The following GKN1 variants were observed in gnomAD, a reference collection of about 807,000 sequenced individuals.
The protein encoded by GKN1 is gastrokine 1, also known as gastrokine-1.
A neutral mutation model predicts 19.7 loss-of-function variants in GKN1; 17 were observed. That is an observed-to-expected ratio of 0.86 (90% CI 0.59 to 1.29). The LOEUF (loss-of-function observed/expected upper bound fraction) is 1.29, where lower values mean the gene tolerates loss of function less well. Among genes scored for constraint, GKN1 ranks in the 50% most tolerant of loss-of-function variants. The pLI, the probability that GKN1 is intolerant of heterozygous loss-of-function variation, is 0.00. For synonymous variants in GKN1, 96 were observed against 78.3 expected (o/e 1.23, Z -1.20); for missense variants, 218 against 224.5 (o/e 0.97, Z 0.19).
At chr2:68,980,462 A>G (rs1221031169) in intron 5 of GKN1, among the ~76,000 whole-genome samples, 1 of 152,236 alleles carries the variant, frequency 6.6e-6, no homozygotes, top group Non-Finnish European at 1.5e-5. Flanking sequence ...AAGAATGCTA[A>G]TAGAATCTAT....
chr2:68,980,779 T>C lies in GKN1; in HGVS notation c.514T>C (p.Trp172Arg). Residue 172 changes from tryptophan to arginine, a missense_variant, in exon 6 of 6, where the codon TGG (tryptophan) becomes CGG (arginine). Coordinates refer to ENST00000377938, the MANE Select transcript of GKN1 (RefSeq NM_019617.4). The stretch of plus-strand genomic sequence containing the variant: ...AACGTGCTACACGACCAGTGTACTA[T>C]GGATTGTGGACATTTCCTTCTGTGG... ...SGTCYTTSVL[W>R]IVDISFCGDT... 1.3e-6 allele frequency: 2 copies of C among 1,598,256 alleles called. No homozygotes were observed. The highest frequency in any genetic ancestry group is 1.7e-6 in the Non-Finnish European group (2 of 1,165,556).
chr2:68,980,476 C>T (rs1408902645), intron 5 of GKN1, among the ~76,000 whole-genome samples: 2 of 152,192 alleles, frequency 1.3e-5, no homozygotes, highest in Non-Finnish European at 2.9e-5. Flanking sequence ...AATCTATTAA[C>T]TTTCTATAGC....
chr2:68,979,617 C>T (rs762587564), intron 4 of GKN1, among the ~76,000 whole-genome samples: 21 of 152,162 alleles, frequency 1.4e-4, no homozygotes, highest in Non-Finnish European at 2.6e-4. Context: ...ATTACATAGT[C>T]TAATCCAAGG....
intron 1 of GKN1, among the ~76,000 whole-genome samples, chr2:68,976,747 T>C (rs1014693888): frequency 2.6e-5 from 4 of 152,188 alleles, no homozygotes; most frequent in African/African-American, 9.6e-5. Context: ...TCATTAACTA[T>C]AGCTGAGTTT....
At position 68,977,711 on chromosome 2, in the gene GKN1, T is replaced by G. The variant is rs760425589; in HGVS notation, c.141T>G (p.Asn47Lys). 54 of 1,608,604 alleles carry G rather than the reference T, an allele frequency of 3.4e-5. No individual in the cohort carries two copies. The highest frequency in any genetic ancestry group is 4.2e-5 in the Non-Finnish European group (49 of 1,175,070). Reference sequence around the variant, plus strand: ...CAGTGAGTGTCAACAATGAACACAATGTGGCCAATGTTGACAATAACAACG... The same window carrying G: ...CAGTGAGTGTCAACAATGAACACAAGGTGGCCAATGTTGACAATAACAACG... ...QQSVSVNNEH[N>K]VANVDNNNGW... is the part of the protein sequence containing the mutation. Residue 47 changes from asparagine (N) to lysine (K), a missense_variant, in exon 3 of 6, where the codon AAT (asparagine) becomes AAG (lysine). Coordinates refer to ENST00000377938, the MANE Select transcript of GKN1 (RefSeq NM_019617.4).
intron 4 of GKN1, among the ~76,000 whole-genome samples, chr2:68,979,182 G>T (rs531203313): frequency 9.2e-5 from 14 of 152,166 alleles, no homozygotes; most frequent in Admixed American, 9.2e-4. Flanking sequence ...CTCTACAACC[G>T]CTGAGCAAAG....
At chr2:68,978,282 A>C (rs759140908) in intron 3 of GKN1, among the ~76,000 whole-genome samples, 5 of 139,994 alleles carry the variant, frequency 3.6e-5, no homozygotes, top group Admixed American at 7.0e-5. Context: ...GAAAGAAAGA[A>C]AGAAAGAAAG....
intron 1 of GKN1, among the ~76,000 whole-genome samples, chr2:68,976,342 C>T (rs777577296): frequency 6.6e-6 from 1 of 151,866 alleles, no homozygotes; most frequent in African/African-American, 2.4e-5. Context: ...AGATAGTTTG[C>T]TTTATTTTAA....
chr2:68,980,142 C>CG, intron 5 of GKN1, 82 bp downstream of exon 5: 1 of 1,216,564 alleles, frequency 8.2e-7, no homozygotes, highest in Non-Finnish European at 1.2e-6. Flanking sequence ...ATAGTGGGCA[C>CG]CAGTGATGCA....
Position 68,975,470 on chromosome 2 carries a change from AG to A in GKN1, c.12+782del, listed in dbSNP as rs1361034077. On this transcript the variant is annotated intron_variant, in intron 1 of 5. Coordinates refer to ENST00000377938, the MANE Select transcript of GKN1 (RefSeq NM_019617.4). ...GAGGTGGACCGAGAAACCCTGCCAA[AG>A]TAACTAGTAGTGCCGGGTTTCTCAC... is the stretch of plus-strand genomic sequence containing the variant. Among the ~76,000 whole-genome samples the A allele has an allele frequency of 9.8e-5, 15 of 152,296 alleles. No homozygotes were observed. The East Asian group carries it at 1.5e-3, about 16-fold the overall frequency.
At chr2:68,976,100 A>G (rs765834958) in intron 1 of GKN1, among the ~76,000 whole-genome samples, 3 of 152,168 alleles carry the variant, frequency 2.0e-5, no homozygotes, top group African/African-American at 4.8e-5. Flanking sequence ...GACACTCTAT[A>G]CTTGCTTTCT....
chr2:68,980,798 T>C lies in GKN1; in HGVS notation c.533T>C (p.Phe178Ser). The C allele has an allele frequency of 6.3e-7, 1 of 1,578,532 alleles. No homozygotes were observed. The highest frequency in any genetic ancestry group is 8.7e-7 in the Non-Finnish European group (1 of 1,147,582). Residue 178 changes from phenylalanine to serine, a missense_variant, in exon 6 of 6, where the codon TTC becomes TCC. Transcript: ENST00000377938. ...GTACTATGGATTGTGGACATTTCCT[T>C]CTGTGGAGACACGGTGGAGAACTAA... ...TSVLWIVDISFCGDTVEN is the reference protein window; with the variant it reads ...TSVLWIVDISSCGDTVEN
chr2:68,977,380 C>A, intron 1 of GKN1, 115 bp from the exon 2 acceptor site: 1 of 761,760 alleles, frequency 1.3e-6, no homozygotes, highest in Non-Finnish European at 2.3e-6. Flanking sequence ...ACACATTGAA[C>A]TAGAACTGAA....
rs568201212 is a variant in GKN1, at chr2:68,977,788, G to A, written c.204+14G>A. On this transcript the variant is annotated intron_variant, in intron 3 of 5. Coordinates refer to ENST00000377938, the MANE Select transcript of GKN1 (RefSeq NM_019617.4). ...GATTATGGAAATGTAGGTAGTCAAC[G>A]TGCAATTTTCACTTTATTGTTTAAA... is the stretch of plus-strand genomic sequence containing the variant. The A allele has an allele frequency of 8.6e-5, 137 of 1,590,996 alleles. 1 individual carries two copies. The East Asian group carries it at 1.6e-3, about 19-fold the overall frequency.
rs377278217 is a variant in GKN1, at chr2:68,977,787, C to T, written c.204+13C>T. On this transcript the variant is annotated intron_variant, in intron 3 of 5. Transcript: ENST00000377938. ...GGATTATGGAAATGTAGGTAGTCAA[C>T]GTGCAATTTTCACTTTATTGTTTAA... 36 of 1,591,120 alleles carry T rather than the reference C, an allele frequency of 2.3e-5. No individual in the cohort carries two copies. The highest frequency in any genetic ancestry group is 5.4e-5 in the African/African-American group (4 of 74,466).
chr2:68,980,847 A>C lies in GKN1; in HGVS notation c.*24A>C. The C allele has an allele frequency of 3.6e-6, 4 of 1,125,470 alleles. No homozygotes were observed. Among genetic ancestry groups the C allele is most frequent in the Non-Finnish European group, 5.4e-6 (4 of 734,222 alleles). 69.7% of individuals were successfully genotyped at this position (1,125,470 alleles called of 1,614,324 possible). A position where few individuals can be genotyped will look rare whatever the true frequency, so the allele number is the denominator to read the frequency against. On this transcript the variant is annotated 3_prime_UTR_variant, in exon 6 of 6. Transcript: ENST00000377938. ...AAACAATTTTTTAAAGCCACTATGG[A>C]TTTAGTCATCTGAATATGCTGTGCA...
chr2:68,977,841 T>A, intron 3 of GKN1, 67 bp downstream of exon 3: 1 of 1,247,606 alleles, frequency 8.0e-7, no homozygotes, highest in Non-Finnish European at 1.2e-6. Flanking sequence ...ACAAAAAATG[T>A]GCATGTTAAC....
chr2:68,979,571 G>C (rs1268818927), intron 4 of GKN1, among the ~76,000 whole-genome samples: 1 of 152,160 alleles, frequency 6.6e-6, no homozygotes, highest in African/African-American at 2.4e-5. Flanking sequence ...TGACAAGGTA[G>C]AGAAAATAAA....
chr2:68,979,354 C>A (rs553961415), intron 4 of GKN1, among the ~76,000 whole-genome samples: 1 of 152,258 alleles, frequency 6.6e-6, no homozygotes, highest in East Asian at 1.9e-4. Flanking sequence ...AGGTAAGCAG[C>A]AGGTCTTTTT....
Sources: allele counts gnomAD v4.1 joint callset (sites outside exome capture counted in the v4.1 genomes callset), GRCh38; gene constraint gnomAD v4.1.1; transcripts MANE v1.5; gene names NCBI Gene and HGNC (gene_info 2026-07-23, HGNC 2026-07-21).